The following CAMK4 variants were observed in gnomAD, a reference collection of about 807,000 sequenced individuals.
CAMK4 encodes calcium/calmodulin-dependent protein kinase type IV.
In CAMK4, 22 loss-of-function variants were observed where a neutral mutation model predicts 44.9. The ratio of observed to expected loss-of-function variants is 0.49; its 90% CI spans 0.35 to 0.70. The LOEUF (loss-of-function observed/expected upper bound fraction) is 0.70, where lower values mean the gene tolerates loss of function less well. Among genes scored for constraint, CAMK4 ranks in the 30% least tolerant of loss-of-function variants. CAMK4 has a pLI of 0.01. For synonymous variants in CAMK4, 218 were observed against 215.4 expected (o/e 1.01, Z -0.11); for missense variants, 498 against 586.8 (o/e 0.85, Z 1.56).
intron 1 of CAMK4, among the ~76,000 whole-genome samples, chr5:111,343,474 G>A (rs1749728146): frequency 6.6e-6 from 1 of 151,668 alleles, no homozygotes; most frequent in South Asian, 2.1e-4. Context: ...TAATAACCCT[G>A]TACATATGTG....
At chr5:111,242,257 C>T (rs905330059) in intron 1 of CAMK4, among the ~76,000 whole-genome samples, 4 of 152,054 alleles carry the variant, frequency 2.6e-5, no homozygotes, top group Non-Finnish European at 5.9e-5. Context: ...CATGTATAAC[C>T]CTGGGCAAGT....
At chr5:111,342,841 CA>C (rs568852344) in intron 1 of CAMK4, among the ~76,000 whole-genome samples, 3 of 151,612 alleles carry the variant, frequency 2.0e-5, no homozygotes, top group Non-Finnish European at 4.4e-5. Flanking sequence ...ATTAGACTAC[CA>C]GACATGTAGT....
chr5:111,319,002 G>C (rs1266999417), intron 1 of CAMK4, among the ~76,000 whole-genome samples: 1 of 151,894 alleles, frequency 6.6e-6, no homozygotes, highest in East Asian at 1.9e-4. Flanking sequence ...TTAAGACATT[G>C]TTATGATAGA....
At chr5:111,417,734 C>G (rs747013396) in intron 5 of CAMK4, among the ~76,000 whole-genome samples, 9 of 152,140 alleles carry the variant, frequency 5.9e-5, no homozygotes, top group Non-Finnish European at 1.0e-4. Flanking sequence ...AGATATTTGA[C>G]TTTGCAATAA....
At chr5:111,391,587 C>A (rs1177169666) in intron 4 of CAMK4, among the ~76,000 whole-genome samples, 3 of 151,532 alleles carry the variant, frequency 2.0e-5, no homozygotes, top group Non-Finnish European at 2.9e-5. Context: ...AACTGTAGGA[C>A]AACAATATAA....
rs1161219464 is a variant in CAMK4, at chr5:111,488,497, T to G, written c.*4031T>G. The stretch of plus-strand genomic sequence containing the variant: ...ATTTCATAGTATTTTAAACATATTT[T>G]GTAATTCAGAATGTTTAGCAATCCC... On this transcript the variant is annotated 3_prime_UTR_variant, in exon 11 of 11. Transcript: ENST00000282356. 1.3e-5 allele frequency: 2 copies of G among 152,342 alleles called. No individual in the cohort carries two copies. The highest frequency in any genetic ancestry group is 4.8e-5 in the African/African-American group (2 of 41,586). The allele number at this position is 152,342 out of a possible 1,614,324, so 9.4% of individuals were successfully genotyped here. A position where few individuals can be genotyped will look rare whatever the true frequency, so the allele number is the denominator to read the frequency against.
intron 1 of CAMK4, among the ~76,000 whole-genome samples, chr5:111,268,415 A>T (rs1017162559): frequency 2.0e-5 from 3 of 152,292 alleles, no homozygotes; most frequent in South Asian, 2.1e-4. Context: ...GCTGAAACAA[A>T]TTTTCATGGG....
rs966605105 is a variant in CAMK4, at chr5:111,230,805, T to C, written c.161+6161T>C. On this transcript the variant is annotated intron_variant, in intron 1 of 10. Coordinates refer to ENST00000282356, the MANE Select transcript of CAMK4 (RefSeq NM_001744.6). ...ATTTTTTGTTAATATTTTTTTTCTT[T>C]TTTTCCTCTTTTTTTTTAAAAAAAA... 7.2e-5 allele frequency among the ~76,000 whole-genome samples: 11 copies of C among 152,198 alleles called. 1 individual carries two copies. The highest frequency in any genetic ancestry group is 4.1e-4 in the South Asian group (2 of 4,824).
Position 111,344,068 on chromosome 5 carries a change from A to G in CAMK4, c.206A>G (p.Gln69Arg), listed in dbSNP as rs534475500. The G allele has an allele frequency of 4.1e-5, 66 of 1,607,898 alleles. No individual in the cohort carries two copies. In the South Asian group the frequency reaches 6.9e-4, roughly 17 times the overall value. Residue 69 changes from glutamine to arginine, a missense_variant, in exon 2 of 11, where the codon CAG (glutamine) becomes CGG (arginine). Coordinates refer to ENST00000282356, the MANE Select transcript of CAMK4 (RefSeq NM_001744.6). ...TACAGATGCAAACAGAAGGGGACCC[A>G]GAAGCCTTATGCTCTCAAAGTGTTA... ...IVYRCKQKGT[Q>R]KPYALKVLKK...
chr5:111,362,434 T>C (rs1750629637), intron 2 of CAMK4, among the ~76,000 whole-genome samples: 1 of 130,390 alleles, frequency 7.7e-6, no homozygotes. Context: ...TTATTATGTT[T>C]TTGTGTAAAA....
intron 1 of CAMK4, among the ~76,000 whole-genome samples, chr5:111,291,261 T>C (rs61462275): frequency 0.017 from 2,628 of 152,304 alleles, 82 homozygotes; most frequent in African/African-American, 0.06. Context: ...ATATTCAATA[T>C]GAAACATATA....
intron 1 of CAMK4, among the ~76,000 whole-genome samples, chr5:111,225,346 A>G (rs1456816445): frequency 6.6e-6 from 1 of 152,188 alleles, no homozygotes; most frequent in Non-Finnish European, 1.5e-5. Flanking sequence ...GATTGCAGAT[A>G]TGTCCCCTAT....
intron 1 of CAMK4, among the ~76,000 whole-genome samples, chr5:111,328,834 A>G (rs1250000171): frequency 6.6e-6 from 1 of 151,998 alleles, no homozygotes; most frequent in East Asian, 1.9e-4. Context: ...GTGTATAAGA[A>G]TGTTTGTGAT....
At chr5:111,271,619 T>C (rs1204836901) in intron 1 of CAMK4, among the ~76,000 whole-genome samples, 1 of 152,158 alleles carries the variant, frequency 6.6e-6, no homozygotes, top group African/African-American at 2.4e-5. Context: ...GGTGGGAGCA[T>C]CTCTTAGAAG....
chr5:111,274,581 T>C lies in CAMK4; in HGVS notation c.161+49937T>C, dbSNP rs577691976. The stretch of plus-strand genomic sequence containing the variant: ...ATATGTCTACATGCATACATATATA[T>C]CTCCAGGGTGGATTTGGATAAGAAA... On this transcript the variant is annotated intron_variant, in intron 1 of 10. Transcript: ENST00000282356. 6.6e-5 allele frequency among the ~76,000 whole-genome samples: 10 copies of C among 152,322 alleles called. No homozygotes were observed. The South Asian group carries it at 1.7e-3, about 25-fold the overall frequency.
chr5:111,472,458 G>A (rs1446805550), intron 7 of CAMK4, among the ~76,000 whole-genome samples: 2 of 152,166 alleles, frequency 1.3e-5, no homozygotes, highest in South Asian at 2.1e-4. Context: ...AGATGGTGGG[G>A]CTCTTACTTT....
At chr5:111,242,478 A>G (rs1318394102) in intron 1 of CAMK4, among the ~76,000 whole-genome samples, 1 of 152,122 alleles carries the variant, frequency 6.6e-6, no homozygotes, top group Non-Finnish European at 1.5e-5. Flanking sequence ...TTTTTCATTT[A>G]CATCATTTGG....
At chr5:111,424,454 T>A (rs1439959648) in intron 5 of CAMK4, among the ~76,000 whole-genome samples, 38 of 136,590 alleles carry the variant, frequency 2.8e-4, no homozygotes, top group Admixed American at 2.7e-3. Flanking sequence ...TTTTTTTTTT[T>A]TTTTTTTTGA....
intron 2 of CAMK4, among the ~76,000 whole-genome samples, chr5:111,361,625 G>T (rs1189370645): frequency 3.9e-5 from 6 of 151,990 alleles, no homozygotes; most frequent in Non-Finnish European, 5.9e-5. Flanking sequence ...TGATACCCAG[G>T]TTTATGGTCA....
Sources: allele counts gnomAD v4.1 joint callset (sites outside exome capture counted in the v4.1 genomes callset), GRCh38; gene constraint gnomAD v4.1.1; transcripts MANE v1.5; gene names NCBI Gene and HGNC (gene_info 2026-07-23, HGNC 2026-07-21).